P2RY12: variants seen among roughly 807,000 people sequenced by gnomAD.
The protein encoded by P2RY12 is P2Y purinoceptor 12.
Under a neutral mutation model 4.5 loss-of-function variants are expected in P2RY12, and 3 were observed. That is an observed-to-expected ratio of 0.67 (90% CI 0.31 to 1.74). The LOEUF (loss-of-function observed/expected upper bound fraction) is 1.74, where lower values mean the gene tolerates loss of function less well. Ranked by LOEUF, P2RY12 falls within the 40% of genes most tolerant of loss-of-function variation. The probability of loss-of-function intolerance (pLI) is 0.09; values close to 1 mark genes in which losing one functional copy is unlikely to be tolerated. For synonymous variants in P2RY12, 148 were observed against 154.1 expected (o/e 0.96, Z 0.29); for missense variants, 356 against 407.8 (o/e 0.87, Z 1.09).
chr3:151,350,523 A>C (rs892293546), intron 1 of P2RY12, among the ~76,000 whole-genome samples: 10 of 152,164 alleles, frequency 6.6e-5, no homozygotes, highest in Admixed American at 6.5e-5. Flanking sequence ...GTAATAAATG[A>C]AGTACTGAAG....
intron 1 of P2RY12, among the ~76,000 whole-genome samples, chr3:151,379,164 T>G (rs1470090757): frequency 6.6e-6 from 1 of 152,238 alleles, no homozygotes; most frequent in Non-Finnish European, 1.5e-5. Context: ...TGGCCAGGAT[T>G]AATTAACCAA....
At chr3:151,348,340 C>CAAAAAAAAAA (rs11382065) in intron 1 of P2RY12, among the ~76,000 whole-genome samples, 2 of 87,804 alleles carry the variant, frequency 2.3e-5, no homozygotes, top group African/African-American at 8.9e-5. Flanking sequence ...ACCACCAGAC[C>CAAAAAAAAAA]AAAAAAAAAA....
At chr3:151,367,610 G>T in intron 1 of P2RY12, 7 of 1,562,720 alleles carry the variant, frequency 4.5e-6, no homozygotes, top group Non-Finnish European at 6.1e-6. Flanking sequence ...TTACAAGGTT[G>T]TTAGGTATTA....
rs754753192 is a variant in P2RY12 at position 151,379,425 on chromosome 3, C to G, written c.-180+5267G>C. 2.0e-5 allele frequency among the ~76,000 whole-genome samples: 3 copies of G among 152,214 alleles called. No individual in the cohort carries two copies. The East Asian group carries it at 5.8e-4, about 29-fold the overall frequency. ...GTCAATATGATTTGTTGATTATTCTCTAATTGAAGACATTTTGTTAAAATG... is the reference window on the plus strand; with the variant it reads ...GTCAATATGATTTGTTGATTATTCTGTAATTGAAGACATTTTGTTAAAATG... On this transcript the variant is annotated intron_variant, in intron 1 of 2. Coordinates refer to ENST00000302632, the MANE Select transcript of P2RY12 (RefSeq NM_022788.5).
At chr3:151,365,118 A>G in intron 1 of P2RY12, 1 of 1,614,096 alleles carries the variant, frequency 6.2e-7, no homozygotes, top group Non-Finnish European at 8.5e-7. Flanking sequence ...AATGCTGGGC[A>G]AGATCCTCAG....
chr3:151,367,697 A>G lies in P2RY12; in HGVS notation c.-180+16995T>C, dbSNP rs780931668. 2.5e-6 allele frequency: 4 copies of G among 1,611,774 alleles called. No individual in the cohort carries two copies. The Admixed American group carries it at 5.0e-5, about 20-fold the overall frequency. ...ATTAGCTACTTTCATTGCTATTCTG[A>G]TAGCACGACAGTGTTTTTCCCTGGA... On this transcript the variant is annotated intron_variant, in intron 1 of 2. Coordinates refer to ENST00000302632, the MANE Select transcript of P2RY12 (RefSeq NM_022788.5).
chr3:151,343,900 G>A (rs1752213459), intron 1 of P2RY12, among the ~76,000 whole-genome samples: 1 of 152,114 alleles, frequency 6.6e-6, no homozygotes, highest in African/African-American at 2.4e-5. Flanking sequence ...TAGCTCTTAG[G>A]CTGTTTTAGT....
At chr3:151,365,808 T>G in intron 1 of P2RY12, 1 of 1,527,690 alleles carries the variant, frequency 6.5e-7, no homozygotes, top group Non-Finnish European at 8.8e-7. Flanking sequence ...GTATTTCTCT[T>G]TTGTACAAGG....
intron 1 of P2RY12, among the ~76,000 whole-genome samples, chr3:151,377,801 G>T (rs932492193): frequency 6.6e-6 from 1 of 152,178 alleles, no homozygotes; most frequent in Non-Finnish European, 1.5e-5. Flanking sequence ...TTCCAGAACT[G>T]CATGTTTTAT....
intron 1 of P2RY12, among the ~76,000 whole-genome samples, chr3:151,345,331 G>A (rs1467229775): frequency 6.6e-6 from 1 of 152,070 alleles, no homozygotes; most frequent in Non-Finnish European, 1.5e-5. Context: ...ATTTTTGGGT[G>A]TTTATCTCAG....
At chr3:151,368,701 TTTC>T in intron 1 of P2RY12, among the ~76,000 whole-genome samples, 1 of 65,682 alleles carries the variant, frequency 1.5e-5, no homozygotes, top group Non-Finnish European at 2.8e-5. Context: ...TTTCATTTCA[TTTC>T]ATTTCATTTC....
Position 151,372,467 on chromosome 3 carries a change from C to A in P2RY12, c.-180+12225G>T, listed in dbSNP as rs779231047. On this transcript the variant is annotated intron_variant, in intron 1 of 2. Transcript: ENST00000302632. Reference sequence around the variant, plus strand: ...CTGGCTATTCAATAATAATACTGTTCATATATTTTAAATCCCTGAATGCTA... The same window carrying A: ...CTGGCTATTCAATAATAATACTGTTAATATATTTTAAATCCCTGAATGCTA... 4 of 814,286 alleles carry A rather than the reference C, an allele frequency of 4.9e-6. No homozygotes were observed. The African/African-American group carries it at 5.1e-5, about 10-fold the overall frequency. 50.4% of individuals were successfully genotyped at this position (814,286 alleles called of 1,614,324 possible). A position where few individuals can be genotyped will look rare whatever the true frequency, so the allele number is the denominator to read the frequency against.
chr3:151,384,080 T>G, intron 1 of P2RY12: 1 of 1,609,430 alleles, frequency 6.2e-7, no homozygotes, highest in Non-Finnish European at 8.5e-7. Flanking sequence ...TTTTCTTTCT[T>G]AGTGAATTAT....
rs570165363 is a variant in P2RY12 at position 151,362,784 on chromosome 3, T to C, written c.-180+21908A>G. Among the ~76,000 whole-genome samples the C allele has an allele frequency of 2.6e-5, 4 of 152,286 alleles. No individual in the cohort carries two copies. In the East Asian group the frequency reaches 7.7e-4, roughly 29 times the overall value. On this transcript the variant is annotated intron_variant, in intron 1 of 2. Coordinates refer to ENST00000302632, the MANE Select transcript of P2RY12 (RefSeq NM_022788.5). ...TGTTTTTAATGGTATTAATAAAGTG[T>C]GAAAATATGAAATGGGTTAGGTTTC...
rs35163871 is a variant in P2RY12, at chr3:151,374,547, C to CAAAGAAAG, written c.-180+10137_-180+10144dup. Among the ~76,000 whole-genome samples the CAAAGAAAG allele has an allele frequency of 6.5e-3, 984 of 150,994 alleles. 2 individuals are homozygous for CAAAGAAAG. The highest frequency in any genetic ancestry group is 0.011 in the Non-Finnish European group (729 of 67,600). On this transcript the variant is annotated intron_variant, in intron 1 of 2. Coordinates refer to ENST00000302632, the MANE Select transcript of P2RY12 (RefSeq NM_022788.5). ...CTGGTAAGAGAGCAAGACTCTGTCT[C>CAAAGAAAG]AAAGAAAGAAAGAAAGAAAGAAAGA...
chr3:151,345,040 C>T (rs968954241), intron 1 of P2RY12, among the ~76,000 whole-genome samples: 13 of 152,178 alleles, frequency 8.5e-5, no homozygotes, highest in African/African-American at 2.7e-4. Flanking sequence ...TATTTTAATT[C>T]GTGTAGTACA....
intron 1 of P2RY12, among the ~76,000 whole-genome samples, chr3:151,342,903 A>G (rs1250645108): frequency 1.3e-5 from 2 of 152,156 alleles, no homozygotes; most frequent in African/African-American, 4.8e-5. Context: ...AATAATCTCA[A>G]CTATTCTCTG....
At chr3:151,352,362 G>T (rs1405505630) in intron 1 of P2RY12, among the ~76,000 whole-genome samples, 1 of 152,170 alleles carries the variant, frequency 6.6e-6, no homozygotes, top group African/African-American at 2.4e-5. Flanking sequence ...GAACCACATC[G>T]TTGGGAGGGG....
intron 1 of P2RY12, among the ~76,000 whole-genome samples, chr3:151,364,351 C>G (rs1442943757): frequency 6.6e-6 from 1 of 152,122 alleles, no homozygotes; most frequent in African/African-American, 2.4e-5. Context: ...CTCTTAATGC[C>G]TCTGAGAAAT....
Sources: allele counts gnomAD v4.1 joint callset (sites outside exome capture counted in the v4.1 genomes callset), GRCh38; gene constraint gnomAD v4.1.1; transcripts MANE v1.5; gene names NCBI Gene and HGNC (gene_info 2026-07-23, HGNC 2026-07-21).